Variants in UPP2 observed in about 807,000 individuals in gnomAD.
The protein encoded by UPP2 is uridine phosphorylase 2, also known as UPase 2.
UPP2 carries 23 observed loss-of-function variants against 26.7 expected under a neutral mutation model. The observed-to-expected ratio is 0.86, with a 90% CI of 0.62 to 1.22. The LOEUF (loss-of-function observed/expected upper bound fraction) is 1.22, where lower values mean the gene tolerates loss of function less well. Among genes scored for constraint, UPP2 ranks in the 50% most tolerant of loss-of-function variants. The pLI, the probability that UPP2 is intolerant of heterozygous loss-of-function variation, is 0.00. For missense variants in UPP2, 387 were observed against 396.7 expected, an observed-to-expected ratio of 0.98 and a Z score of 0.21; for synonymous variants, 127 against 141.3, an observed-to-expected ratio of 0.90 and a Z score of 0.72.
intron 3 of UPP2, among the ~76,000 whole-genome samples, chr2:158,072,340 T>G (rs932000004): frequency 2.0e-5 from 3 of 152,048 alleles, no homozygotes; most frequent in Admixed American, 2.0e-4. Flanking sequence ...GATTTCTAGG[T>G]TTTTTTACTC....
chr2:158,051,157 ATGTGTGTGTGTGTGTGTGTGTGTG>A (rs57745839), intron 3 of UPP2, among the ~76,000 whole-genome samples: 5 of 144,986 alleles, frequency 3.4e-5, no homozygotes, highest in Non-Finnish European at 7.5e-5. Flanking sequence ...CTCTAGGAAT[ATGTGTGTGTGTGTGTGTGTGTGTG>A]TGTGTGTGTG....
intron 3 of UPP2, among the ~76,000 whole-genome samples, chr2:158,078,247 G>C (rs560187748): frequency 1.3e-5 from 2 of 152,244 alleles, no homozygotes; most frequent in South Asian, 2.1e-4. Context: ...CAGTAAAATA[G>C]AGTCACCATA....
At chr2:158,110,777 AT>A (rs1420184259) in intron 2 of UPP2, among the ~76,000 whole-genome samples, 2 of 152,030 alleles carry the variant, frequency 1.3e-5, no homozygotes, top group African/African-American at 4.8e-5. Context: ...GATGATGAGC[AT>A]TTTTTCATGT....
intron 2 of UPP2, among the ~76,000 whole-genome samples, chr2:158,006,086 G>A (rs976602436): frequency 6.6e-6 from 1 of 152,180 alleles, no homozygotes; most frequent in African/African-American, 2.4e-5. Flanking sequence ...AGGGCAGTAA[G>A]TAGAGGAGAG....
chr2:158,076,336 C>G (rs533333461), intron 3 of UPP2, among the ~76,000 whole-genome samples: 1 of 151,880 alleles, frequency 6.6e-6, no homozygotes, highest in Non-Finnish European at 1.5e-5. Flanking sequence ...CCACTATTAC[C>G]CTCATACCAG....
intron 2 of UPP2, among the ~76,000 whole-genome samples, chr2:158,110,462 A>T (rs58011281): frequency 6.6e-6 from 1 of 152,160 alleles, no homozygotes; most frequent in Admixed American, 6.5e-5. Context: ...ATACATGTAC[A>T]TGTGTCTTTA....
intron 3 of UPP2, among the ~76,000 whole-genome samples, chr2:158,063,799 G>A (rs984801029): frequency 6.6e-6 from 1 of 152,042 alleles, no homozygotes; most frequent in Non-Finnish European, 1.5e-5. Context: ...CTCTATGTCT[G>A]TGTGTTCTCA....
At chr2:158,047,759 C>T (rs774188824) in intron 3 of UPP2, among the ~76,000 whole-genome samples, 1 of 152,222 alleles carries the variant, frequency 6.6e-6, no homozygotes. Flanking sequence ...CCTATTGCCA[C>T]AGTGGCTCAT....
chr2:158,030,067 T>G (rs1683901758), intron 3 of UPP2, among the ~76,000 whole-genome samples: 1 of 152,188 alleles, frequency 6.6e-6, no homozygotes. Context: ...TAGGAAAGTT[T>G]ATGGTTTGAA....
At chr2:158,025,022 T>C (rs1259771383) in intron 3 of UPP2, among the ~76,000 whole-genome samples, 2 of 151,812 alleles carry the variant, frequency 1.3e-5, no homozygotes, top group Admixed American at 6.6e-5. Flanking sequence ...GACAACATGG[T>C]GAAACCCCGT....
intron 6 of UPP2, among the ~76,000 whole-genome samples, chr2:158,124,273 AG>A (rs1389071684): frequency 6.6e-6 from 1 of 152,222 alleles, no homozygotes; most frequent in African/African-American, 2.4e-5. Flanking sequence ...TGGTCAGGGA[AG>A]GATGGGAGAA....
At chr2:158,098,476 CAGTG>C (rs1459576383), upstream of UPP2, among the ~76,000 whole-genome samples, 3 of 152,246 alleles carry the variant, frequency 2.0e-5, no homozygotes, top group Middle Eastern at 3.4e-3. Flanking sequence ...AGCTGCATCT[CAGTG>C]AGCGCATTCA....
rs773756435 is a variant in UPP2, at chr2:158,121,458, C to A, written c.504C>A (p.Phe168Leu). The A allele has an allele frequency of 3.1e-6, 5 of 1,613,422 alleles. No individual in the cohort carries two copies. In the African/African-American group the frequency reaches 6.7e-5, roughly 22 times the overall value. Residue 168 changes from phenylalanine to leucine, a missense_variant, in exon 5 of 7, where the codon TTC becomes TTA. Physicochemically the swap from Phe to Leu is conservative, Grantham distance 22 (BLOSUM62 0). Transcript: ENST00000005756. Reference protein sequence around the residue: ...VVITDIAVDSFFKPRFEQVIL... With the variant: ...VVITDIAVDSLFKPRFEQVIL... ...TAACGGATATAGCTGTAGACTCCTTCTTTAAGCCCCGGTTTGAACAGGTCA... is the reference window on the plus strand; with the variant it reads ...TAACGGATATAGCTGTAGACTCCTTATTTAAGCCCCGGTTTGAACAGGTCA...
chr2:158,105,194 C>T (rs1319973381), intron 1 of UPP2, among the ~76,000 whole-genome samples: 6 of 151,982 alleles, frequency 3.9e-5, no homozygotes, highest in African/African-American at 7.3e-5. Flanking sequence ...TCCAAATAAC[C>T]GAAAGCTACA....
chr2:158,069,063 G>A (rs1231571603), intron 3 of UPP2, among the ~76,000 whole-genome samples: 7 of 151,042 alleles, frequency 4.6e-5, no homozygotes, highest in South Asian at 2.1e-4. Flanking sequence ...CGCCCACCTC[G>A]GCCTCCCAAA....
chr2:158,019,833 G>GT (rs1410760669), intron 3 of UPP2, among the ~76,000 whole-genome samples: 1 of 152,038 alleles, frequency 6.6e-6, no homozygotes, highest in East Asian at 1.9e-4. Flanking sequence ...GCATGCAGGA[G>GT]TTTTTTAGAG....
intron 3 of UPP2, among the ~76,000 whole-genome samples, chr2:158,046,266 C>T (rs73003281): frequency 0.059 from 8,996 of 152,226 alleles, 800 homozygotes; most frequent in African/African-American, 0.19. Context: ...ATAACCTCAT[C>T]GCCAGAGTGT....
chr2:158,051,132 A>G (rs1682148474), intron 3 of UPP2, among the ~76,000 whole-genome samples: 2 of 150,996 alleles, frequency 1.3e-5, no homozygotes, highest in South Asian at 4.2e-4. Flanking sequence ...ATTAAAAAAA[A>G]ATCATTGAGG....
intron 2 of UPP2, among the ~76,000 whole-genome samples, chr2:158,004,413 C>A (rs899802711): frequency 6.6e-6 from 1 of 151,986 alleles, no homozygotes. Context: ...AATCCAACAC[C>A]TAATCTATGG....
Sources: allele counts gnomAD v4.1 joint callset (sites outside exome capture counted in the v4.1 genomes callset), GRCh38; gene constraint gnomAD v4.1.1; transcripts MANE v1.5; gene names NCBI Gene and HGNC (gene_info 2026-07-23, HGNC 2026-07-21).